DPP6: variants seen among roughly 807,000 people sequenced by gnomAD.
The protein encoded by DPP6 is A-type potassium channel modulatory protein DPP6.
Under a neutral mutation model 122.6 loss-of-function variants are expected in DPP6, and 69 were observed. That is an observed-to-expected ratio of 0.56 (90% CI 0.46 to 0.69). DPP6 has a LOEUF of 0.69. DPP6 is among the 30% of genes least tolerant of loss of function. The pLI is 0.00. For synonymous variants in DPP6, 418 were observed against 433.1 expected (o/e 0.97, Z 0.43); for missense variants, 928 against 1,116.9 (o/e 0.83, Z 2.41).
At chr7:153,928,709 G>T (rs972476697) in intron 1 of DPP6, among the ~76,000 whole-genome samples, 3 of 152,060 alleles carry the variant, frequency 2.0e-5, no homozygotes, top group Non-Finnish European at 1.5e-5. Context: ...ATACCATCAC[G>T]TTGGTGATTA....
intron 1 of DPP6, among the ~76,000 whole-genome samples, chr7:153,889,719 C>T (rs1799104255): frequency 6.6e-6 from 1 of 152,198 alleles, no homozygotes; most frequent in Admixed American, 6.5e-5. Context: ...ATCCCTTCCC[C>T]TGTGTCTAAT....
chr7:153,755,969 G>T, the DPP6 span, among the ~76,000 whole-genome samples: 1 of 152,148 alleles, frequency 6.6e-6, no homozygotes, highest in African/African-American at 2.4e-5. Context: ...CATAACAGCA[G>T]GTCCTTTTCC....
At chr7:154,756,543 T>C (rs1309487281) in intron 8 of DPP6, among the ~76,000 whole-genome samples, 1 of 152,178 alleles carries the variant, frequency 6.6e-6, no homozygotes, top group African/African-American at 2.4e-5. Context: ...GCTGGGTCAC[T>C]TGCCCATGGT....
intron 17 of DPP6, among the ~76,000 whole-genome samples, chr7:154,862,513 G>A (rs1432935030): frequency 6.6e-6 from 1 of 152,244 alleles, no homozygotes; most frequent in Non-Finnish European, 1.5e-5. Context: ...AGAGTGGAAA[G>A]CAAGCCACGC....
At chr7:153,928,395 C>CCTTTTTTTTTTTTTTTT (rs1467865041) in intron 1 of DPP6, among the ~76,000 whole-genome samples, 7 of 29,990 alleles carry the variant, frequency 2.3e-4, no homozygotes, top group Non-Finnish European at 3.9e-4. Flanking sequence ...TCTTTTCTTT[C>CCTTTTTTTTTTTTTTTT]ATTTTTTTTT....
At chr7:154,042,136 G>C (rs1799798027) in intron 1 of DPP6, among the ~76,000 whole-genome samples, 1 of 152,166 alleles carries the variant, frequency 6.6e-6, no homozygotes, top group Non-Finnish European at 1.5e-5. Flanking sequence ...CAGAAAACAG[G>C]AGGAAGTGAT....
intron 3 of DPP6, among the ~76,000 whole-genome samples, chr7:154,489,023 C>T (rs192376997): frequency 6.6e-6 from 1 of 152,318 alleles, no homozygotes; most frequent in Non-Finnish European, 1.5e-5. Flanking sequence ...GTGGGTACCA[C>T]AGAAGATGAA....
chr7:154,840,825 G>C (rs1801468709), intron 16 of DPP6, among the ~76,000 whole-genome samples: 1 of 152,160 alleles, frequency 6.6e-6, no homozygotes. Flanking sequence ...CTATTCTAGA[G>C]AATGCGCCGC....
rs143243620 is a variant in DPP6 at position 154,724,258 on chromosome 7, C to T, written c.763-3509C>T. 3.0e-4 allele frequency among the ~76,000 whole-genome samples: 45 copies of T among 152,160 alleles called. No homozygotes were observed. In the East Asian group the frequency reaches 7.9e-3, roughly 27 times the overall value. On this transcript the variant is annotated intron_variant, in intron 7 of 25. Transcript: ENST00000377770. ...CCTCCCCAGAGAGGGGGCGACTTGC[C>T]CAAGGTCAGAATTATAATATCTTCC...
chr7:153,859,853 C>A, the DPP6 span, among the ~76,000 whole-genome samples: 1 of 152,150 alleles, frequency 6.6e-6, no homozygotes, highest in African/African-American at 2.4e-5. Context: ...ATAAAACCAT[C>A]AGATCTCGTG....
intron 8 of DPP6, among the ~76,000 whole-genome samples, chr7:154,748,462 C>T (rs766162752): frequency 6.6e-6 from 1 of 152,218 alleles, no homozygotes; most frequent in Non-Finnish European, 1.5e-5. Flanking sequence ...GAGCTAGAGC[C>T]AGAGCGAAGT....
chr7:154,884,262 G>A (rs117044514), intron 21 of DPP6: 4,778 of 143,628 alleles, frequency 0.033, 125 homozygotes, highest in East Asian at 0.065. Context: ...ACATACACAT[G>A]CTCACACATA....
intron 1 of DPP6, among the ~76,000 whole-genome samples, chr7:154,428,649 CATGG>C: frequency 6.6e-6 from 1 of 152,280 alleles, no homozygotes; most frequent in East Asian, 1.9e-4. Context: ...ATATATGCAC[CATGG>C]AATACTACTC....
At chr7:154,752,947 C>T (rs573483194) in intron 8 of DPP6, among the ~76,000 whole-genome samples, 147 of 152,236 alleles carry the variant, frequency 9.7e-4, no homozygotes, top group Non-Finnish European at 1.6e-3. Flanking sequence ...TATTGAGCAC[C>T]TGCTGTGTGC....
At chr7:154,261,294 A>C (rs1803002299) in intron 1 of DPP6, among the ~76,000 whole-genome samples, 1 of 152,196 alleles carries the variant, frequency 6.6e-6, no homozygotes, top group Admixed American at 6.5e-5. Context: ...AGTTCACTGC[A>C]TGCACGCCAA....
chr7:154,021,380 G>A (rs1798692356), intron 1 of DPP6, among the ~76,000 whole-genome samples: 1 of 152,146 alleles, frequency 6.6e-6, no homozygotes, highest in Non-Finnish European at 1.5e-5. Context: ...CGGTACTCAG[G>A]GGTGCTGTGC....
chr7:154,008,855 CG>C (rs1192648490), intron 1 of DPP6, among the ~76,000 whole-genome samples: 3 of 151,246 alleles, frequency 2.0e-5, no homozygotes, highest in South Asian at 4.2e-4. Context: ...TTAGTAGAGA[CG>C]GGGTTTCACC....
chr7:154,013,652 C>T (rs570911984), intron 1 of DPP6, among the ~76,000 whole-genome samples: 26 of 151,906 alleles, frequency 1.7e-4, no homozygotes, highest in Admixed American at 7.2e-4. Flanking sequence ...AGGCTGGCCT[C>T]TCTGTAGAAG....
chr7:153,763,288 A>G, the DPP6 span, among the ~76,000 whole-genome samples: 1 of 151,580 alleles, frequency 6.6e-6, no homozygotes, highest in Middle Eastern at 3.4e-3. Flanking sequence ...CTCACTCGCC[A>G]TTACCACCAA....
Sources: allele counts gnomAD v4.1 joint callset (sites outside exome capture counted in the v4.1 genomes callset), GRCh38; gene constraint gnomAD v4.1.1; transcripts MANE v1.5; gene names NCBI Gene and HGNC (gene_info 2026-07-23, HGNC 2026-07-21).